ZNF91: variants seen among roughly 807,000 people sequenced by gnomAD.
ZNF91 encodes the protein zinc finger protein 91 (HPF7, HTF10).
A neutral mutation model predicts 12.6 loss-of-function variants in ZNF91; 7 were observed. That is an observed-to-expected ratio of 0.55 (90% confidence interval 0.31 to 1.04). ZNF91 has a LOEUF of 1.04. Ranked by LOEUF, ZNF91 falls within the 50% of genes least tolerant of loss-of-function variation. The probability of loss-of-function intolerance (pLI) is 0.05; values close to 1 mark genes in which losing one functional copy is unlikely to be tolerated. For missense variants in ZNF91, 1,217 were observed against 1,385.4 expected (o/e 0.88, Z 1.93); for synonymous variants, 453 against 462.6 (o/e 0.98, Z 0.27).
intron 1 of ZNF91, among the ~76,000 whole-genome samples, chr19:23,391,113 C>G (rs1970053745): frequency 6.6e-6 from 1 of 152,218 alleles, no homozygotes; most frequent in Non-Finnish European, 1.5e-5. Flanking sequence ...TTAATGTACA[C>G]TGTTAACAGC....
At chr19:23,317,875 C>T (rs984465295) in intron 1 of ZNF91, among the ~76,000 whole-genome samples, 1 of 152,176 alleles carries the variant, frequency 6.6e-6, no homozygotes, top group Non-Finnish European at 1.5e-5. Flanking sequence ...GATGTTGACT[C>T]CCATACTTAG....
At chr19:23,364,131 C>A (rs1475399632) in intron 3 of ZNF91, among the ~76,000 whole-genome samples, 1 of 152,138 alleles carries the variant, frequency 6.6e-6, no homozygotes, top group East Asian at 1.9e-4. Flanking sequence ...CCAGCCTGGC[C>A]AACATGGTGA....
intron 3 of ZNF91, among the ~76,000 whole-genome samples, chr19:23,373,375 T>C (rs1599741356): frequency 1.3e-5 from 1 of 77,578 alleles, no homozygotes; most frequent in Admixed American, 1.1e-4. Context: ...TATATATATA[T>C]ATATATATAT....
chr19:23,360,859 ATTATT>A lies in ZNF91; in HGVS notation c.2115_2119del (p.Lys705AsnfsTer11). 2 of 1,613,836 alleles carry A rather than the reference ATTATT, an allele frequency of 1.2e-6. No individual in the cohort carries two copies. The highest frequency in any genetic ancestry group is 1.7e-6 in the Non-Finnish European group (2 of 1,179,852). The stretch of plus-strand genomic sequence containing the variant: ...TTTGTAGAGTTTCTCTCCAGCATGT[ATTATT>A]TTATGTTTAGTAAGGGTTGAGAGTC... On this transcript the variant is annotated frameshift_variant, in exon 4 of 4. Coordinates refer to ENST00000300619, the MANE Select transcript of ZNF91 (RefSeq NM_003430.4). LOFTEE classifies it low-confidence loss of function (END_TRUNC).
At chr19:23,341,133 C>T (rs1968116003) in intron 3 of ZNF91, among the ~76,000 whole-genome samples, 1 of 151,518 alleles carries the variant, frequency 6.6e-6, no homozygotes, top group African/African-American at 2.4e-5. Context: ...TCACTGCAAC[C>T]ACTGACTCCC....
chr19:23,315,036 T>C (rs1327035361), upstream of ZNF91, among the ~76,000 whole-genome samples: 4 of 152,162 alleles, frequency 2.6e-5, no homozygotes, highest in Non-Finnish European at 4.4e-5. Context: ...ACACAGAAAA[T>C]TGTGACATAT....
chr19:23,385,170 C>G, intron 1 of ZNF91: 1 of 698,294 alleles, frequency 1.4e-6, no homozygotes. Context: ...GCAAGCTCAT[C>G]AAGGGAAAGA....
chr19:23,381,463 T>C (rs1232213017), intron 1 of ZNF91, among the ~76,000 whole-genome samples: 1 of 68,040 alleles, frequency 1.5e-5, no homozygotes, highest in Non-Finnish European at 4.2e-5. Flanking sequence ...TTTCTTTCTC[T>C]TTTTTTTTTT....
chr19:23,337,865 T>C (rs923702401), downstream of ZNF91: 37 of 151,768 alleles, frequency 2.4e-4, no homozygotes, highest in African/African-American at 8.7e-4. Flanking sequence ...CAAAAGAAAA[T>C]ACATTCAAAG....
chr19:23,373,488 G>A (rs1969376142), intron 3 of ZNF91, among the ~76,000 whole-genome samples: 1 of 151,074 alleles, frequency 6.6e-6, no homozygotes, highest in South Asian at 2.1e-4. Context: ...TTAGCAAAAT[G>A]CACTCTTTTC....
intron 3 of ZNF91, among the ~76,000 whole-genome samples, chr19:23,344,978 C>T (rs1383821495): frequency 6.6e-6 from 1 of 152,224 alleles, no homozygotes; most frequent in Non-Finnish European, 1.5e-5. Context: ...CTGATCTCAC[C>T]TACCAGTAAG....
downstream of ZNF91, among the ~76,000 whole-genome samples, chr19:23,357,455 T>C (rs1968520183): frequency 6.6e-6 from 1 of 152,206 alleles, no homozygotes; most frequent in African/African-American, 2.4e-5. Flanking sequence ...TTGTAGTAAA[T>C]TAGACACCTC....
At chr19:23,330,046 G>C (rs573824224) in intron 1 of ZNF91, among the ~76,000 whole-genome samples, 1 of 152,262 alleles carries the variant, frequency 6.6e-6, no homozygotes, top group Admixed American at 6.5e-5. Flanking sequence ...GTTTTACTGG[G>C]ACTCGCGGCC....
intron 1 of ZNF91, among the ~76,000 whole-genome samples, chr19:23,386,583 T>C (rs1421005924): frequency 6.6e-6 from 1 of 152,144 alleles, no homozygotes; most frequent in Non-Finnish European, 1.5e-5. Context: ...TAAATGGTTG[T>C]GGAATAACCA....
intron 3 of ZNF91, among the ~76,000 whole-genome samples, chr19:23,352,088 G>A (rs1301255451): frequency 6.6e-6 from 1 of 152,178 alleles, no homozygotes; most frequent in Non-Finnish European, 1.5e-5. Flanking sequence ...AGACTTCACA[G>A]GCAGGGAAAA....
At chr19:23,356,708 A>G (rs1255559438), downstream of ZNF91, among the ~76,000 whole-genome samples, 2 of 152,152 alleles carry the variant, frequency 1.3e-5, no homozygotes, top group Non-Finnish European at 2.9e-5. Flanking sequence ...ACCAAATACC[A>G]CCTGTACATA....
At chr19:23,385,522 T>C (rs1969842661) in intron 1 of ZNF91, among the ~76,000 whole-genome samples, 1 of 152,160 alleles carries the variant, frequency 6.6e-6, no homozygotes, top group South Asian at 2.1e-4. Context: ...TCAGTCAGAA[T>C]CCATTTTCAG....
At chr19:23,342,118 C>G (rs1599702532) in intron 3 of ZNF91, 1 of 390,460 alleles carries the variant, frequency 2.6e-6, no homozygotes. Context: ...GAAATTCTTT[C>G]TGACCTTCGT....
At chr19:23,377,339 CTG>C (rs1969539554) in intron 1 of ZNF91, among the ~76,000 whole-genome samples, 1 of 152,202 alleles carries the variant, frequency 6.6e-6, no homozygotes, top group African/African-American at 2.4e-5. Context: ...TAAACAGAAA[CTG>C]TGAAAAGGGC....
Sources: allele counts gnomAD v4.1 joint callset (sites outside exome capture counted in the v4.1 genomes callset), GRCh38; gene constraint gnomAD v4.1.1; transcripts MANE v1.5; gene names NCBI Gene and HGNC (gene_info 2026-07-23, HGNC 2026-07-21).